SLC8A1: variants seen among roughly 807,000 people sequenced by gnomAD.
The protein encoded by SLC8A1 is sodium/calcium exchanger 1.
A neutral mutation model predicts 68.3 loss-of-function variants in SLC8A1; 18 were observed. The ratio of observed to expected loss-of-function variants is 0.26; its 90% CI spans 0.18 to 0.39. The LOEUF (loss-of-function observed/expected upper bound fraction) is 0.39. Ranked by LOEUF, SLC8A1 falls within the 10% of genes least tolerant of loss-of-function variation. SLC8A1 has a pLI of 1.00. For missense variants in SLC8A1, 985 were observed against 1,156.7 expected (o/e 0.85, Z 2.15); for synonymous variants, 475 against 415.5 (o/e 1.14, Z -1.74).
At chr2:40,466,261 G>T (rs1182872906) in intron 1 of SLC8A1, among the ~76,000 whole-genome samples, 1 of 152,092 alleles carries the variant, frequency 6.6e-6, no homozygotes, top group Non-Finnish European at 1.5e-5. Flanking sequence ...AATTGATTAT[G>T]ACATTGACAT....
At chr2:40,290,849 C>A (rs1259612975) in intron 2 of SLC8A1, among the ~76,000 whole-genome samples, 5 of 152,050 alleles carry the variant, frequency 3.3e-5, no homozygotes, top group Admixed American at 3.3e-4. Flanking sequence ...CCCTGTCTTC[C>A]CTTTTGATAC....
intron 2 of SLC8A1, among the ~76,000 whole-genome samples, chr2:40,309,852 G>A (rs1240065624): frequency 6.6e-6 from 1 of 152,012 alleles, no homozygotes; most frequent in Non-Finnish European, 1.5e-5. Context: ...AATCCAACAT[G>A]TTTAAAGTGT....
chr2:40,495,987 T>C (rs1406440871), intron 1 of SLC8A1, among the ~76,000 whole-genome samples: 3 of 152,104 alleles, frequency 2.0e-5, no homozygotes, highest in African/African-American at 7.2e-5. Context: ...ATCGGTCTAA[T>C]CTATTTAGAT....
chr2:40,437,240 G>A (rs1030871766), intron 1 of SLC8A1, among the ~76,000 whole-genome samples: 8 of 152,012 alleles, frequency 5.3e-5, no homozygotes, highest in Admixed American at 6.6e-5. Flanking sequence ...ATGTTTTCTG[G>A]GGACAGAGAG....
intron 2 of SLC8A1, among the ~76,000 whole-genome samples, chr2:40,332,760 G>C (rs962597812): frequency 6.6e-6 from 1 of 152,162 alleles, no homozygotes; most frequent in African/African-American, 2.4e-5. Context: ...TAACCATCCA[G>C]CTGAATCATT....
Position 40,097,970 on chromosome 2 carries a change from C to T in SLC8A1, c.*17283G>A, listed in dbSNP as rs1236445542. ...TACAAACATCACAAATATTTGGTGT[C>T]TGAGTCTTAACAAATATTATGTTTT... On this transcript the variant is annotated 3_prime_UTR_variant, in exon 8 of 8. Coordinates refer to ENST00000406785, the Ensembl canonical transcript of SLC8A1. The T allele has an allele frequency of 6.1e-5, 9 of 147,724 alleles. No homozygotes were observed. In the South Asian group the frequency reaches 1.1e-3, roughly 18 times the overall value. 9.2% of individuals were successfully genotyped at this position (147,724 alleles called of 1,614,324 possible). A position where few individuals can be genotyped will look rare whatever the true frequency, so the allele number is the denominator to read the frequency against.
intron 7 of SLC8A1, among the ~76,000 whole-genome samples, chr2:40,138,328 A>G (rs1213779712): frequency 6.6e-6 from 1 of 152,232 alleles, no homozygotes; most frequent in African/African-American, 2.4e-5. Flanking sequence ...AAACTTTAGT[A>G]GAAAACAAAG....
chr2:40,477,047 G>C (rs1025058633), intron 1 of SLC8A1, among the ~76,000 whole-genome samples: 5 of 152,036 alleles, frequency 3.3e-5, no homozygotes, highest in African/African-American at 1.2e-4. Context: ...TGTTTTGTGG[G>C]TGCATTTTTC....
chr2:40,459,888 CACAT>C (rs1453324835), intron 1 of SLC8A1, among the ~76,000 whole-genome samples: 1 of 152,194 alleles, frequency 6.6e-6, no homozygotes, highest in Non-Finnish European at 1.5e-5. Flanking sequence ...TCCACAAACT[CACAT>C]ACTCATTCGC....
intron 2 of SLC8A1, among the ~76,000 whole-genome samples, chr2:40,427,924 T>A (rs1035522667): frequency 6.6e-6 from 1 of 152,164 alleles, no homozygotes; most frequent in African/African-American, 2.4e-5. Context: ...TAATTTAGCA[T>A]TGGCATTTAA....
At chr2:40,301,034 T>C (rs1274848347) in intron 2 of SLC8A1, among the ~76,000 whole-genome samples, 3 of 152,104 alleles carry the variant, frequency 2.0e-5, no homozygotes, top group African/African-American at 7.2e-5. Flanking sequence ...ATTTTTTGGA[T>C]ATAGAGGAAG....
chr2:40,307,743 G>A (rs961737850), intron 2 of SLC8A1, among the ~76,000 whole-genome samples: 2 of 152,138 alleles, frequency 1.3e-5, no homozygotes, highest in East Asian at 1.9e-4. Flanking sequence ...GGAACCAAGA[G>A]TGCAAGTGTC....
At chr2:40,250,005 G>T (rs2062492238) in intron 2 of SLC8A1, among the ~76,000 whole-genome samples, 1 of 152,176 alleles carries the variant, frequency 6.6e-6, no homozygotes. Context: ...CCTTCCGGGT[G>T]TATGTATGTG....
At chr2:40,433,290 T>C (rs186800116) in intron 1 of SLC8A1, among the ~76,000 whole-genome samples, 78 of 152,294 alleles carry the variant, frequency 5.1e-4, no homozygotes, top group African/African-American at 1.8e-3. Context: ...TTATTCCCAT[T>C]CCCTGAACAA....
intron 2 of SLC8A1, among the ~76,000 whole-genome samples, chr2:40,248,881 G>A (rs1191069855): frequency 6.6e-6 from 1 of 152,174 alleles, no homozygotes; most frequent in Non-Finnish European, 1.5e-5. Flanking sequence ...TCTATGCATA[G>A]TGAAGTAACC....
chr2:40,136,015 C>A (rs1572982683), intron 7 of SLC8A1, among the ~76,000 whole-genome samples: 1 of 152,106 alleles, frequency 6.6e-6, no homozygotes. Flanking sequence ...ATACATTTAG[C>A]AGTCATTGGC....
chr2:40,147,017 GA>G (rs1394325481), intron 6 of SLC8A1, among the ~76,000 whole-genome samples: 1 of 152,184 alleles, frequency 6.6e-6, no homozygotes, highest in Non-Finnish European at 1.5e-5. Context: ...ACAAAAAACA[GA>G]ATGCTTACAA....
At chr2:40,354,968 T>C (rs545996515) in intron 2 of SLC8A1, among the ~76,000 whole-genome samples, 1 of 152,278 alleles carries the variant, frequency 6.6e-6, no homozygotes, top group African/African-American at 2.4e-5. Flanking sequence ...GAGAAATGCT[T>C]TTTGAAGAGT....
chr2:40,417,866 T>C (rs1694331023), intron 2 of SLC8A1, among the ~76,000 whole-genome samples: 1 of 96,324 alleles, frequency 1.0e-5, no homozygotes, highest in Non-Finnish European at 1.9e-5. Context: ...ATAGCTTGGA[T>C]GGATACACAC....
Sources: gnomAD v4.1 joint callset for allele counts (sites outside exome capture counted in the v4.1 genomes callset) on GRCh38, gnomAD v4.1.1 for gene constraint, MANE v1.5 for transcripts, NCBI Gene and HGNC (gene_info 2026-07-23, HGNC 2026-07-21) for gene names.